Variants in EDARADD observed in about 807,000 individuals in gnomAD.
EDARADD encodes EDAR associated via death domain.
Under a neutral mutation model 25.6 loss-of-function variants are expected in EDARADD, and 20 were observed. The ratio of observed to expected loss-of-function variants is 0.78; its 90% CI spans 0.55 to 1.14. The LOEUF is 1.14. Ranked by LOEUF, EDARADD falls within the 50% of genes most tolerant of loss-of-function variation. The pLI is 0.00. For missense variants in EDARADD, 225 were observed against 270.1 expected, an observed-to-expected ratio of 0.83 and a Z score of 1.17; for synonymous variants, 86 against 94.4, an observed-to-expected ratio of 0.91 and a Z score of 0.52.
At chr1:236,416,286 G>C (rs1657639025) in intron 3 of EDARADD, among the ~76,000 whole-genome samples, 2 of 152,184 alleles carry the variant, frequency 1.3e-5, no homozygotes, top group South Asian at 4.1e-4. Flanking sequence ...CAGGGGTGCA[G>C]GGAAATCCAG....
At chr1:236,382,603 C>T (rs1346200024) in intron 3 of EDARADD, among the ~76,000 whole-genome samples, 5 of 152,090 alleles carry the variant, frequency 3.3e-5, no homozygotes, top group African/African-American at 1.2e-4. Flanking sequence ...TAGCTTTGTC[C>T]TTGAGCAGTT....
rs946535201 is a variant in EDARADD, at chr1:236,395,486, G to C, written c.61+981G>C. ...GAAGAAGAAGGGAGGGGAAGGCGGAGGAGGGCAGGGGCGCGCAGAGCCACG... is the reference window on the plus strand; with the variant it reads ...GAAGAAGAAGGGAGGGGAAGGCGGACGAGGGCAGGGGCGCGCAGAGCCACG... On this transcript the variant is annotated intron_variant, in intron 1 of 5. Transcript: ENST00000334232. The surrounding 1 kb of genome is among the most constrained non-coding windows in gnomAD (Gnocchi z 6.9). The C allele has an allele frequency of 3.3e-6, 5 of 1,510,194 alleles. No individual in the cohort carries two copies. The highest frequency in any genetic ancestry group is 2.5e-5 in the South Asian group (2 of 81,570). The allele number at this position is 1,510,194 out of a possible 1,614,324, so 93.5% of individuals were successfully genotyped here. A position where few individuals can be genotyped will look rare whatever the true frequency, so the allele number is the denominator to read the frequency against.
At chr1:236,367,261 G>A (rs919436885) in intron 3 of EDARADD, among the ~76,000 whole-genome samples, 5 of 151,566 alleles carry the variant, frequency 3.3e-5, no homozygotes, top group African/African-American at 1.2e-4. Context: ...ACGGAGTCTC[G>A]CTCTGTCACC....
chr1:236,456,742 A>G (rs1412779392), intron 4 of EDARADD, among the ~76,000 whole-genome samples: 2 of 95,700 alleles, frequency 2.1e-5, no homozygotes, highest in African/African-American at 8.4e-5. Flanking sequence ...CTCCCTCTGC[A>G]CCTGTGTTTC....
chr1:236,396,446 T>C (rs939877905), intron 1 of EDARADD, among the ~76,000 whole-genome samples: 10 of 152,218 alleles, frequency 6.6e-5, no homozygotes, highest in African/African-American at 2.4e-4. Context: ...CTTGGTTTTG[T>C]TGAGGTTGGA....
In EDARADD at chr1:236,453,963, T is replaced by G. The variant is rs544180473; in HGVS notation, c.220-14268T>G. Among the ~76,000 whole-genome samples the G allele has an allele frequency of 2.6e-3, 392 of 151,272 alleles. 3 individuals carry two copies. Among genetic ancestry groups the G allele is most frequent in the Non-Finnish European group, 4.4e-3 (297 of 68,022 alleles). ...GATGCTAAAGTAGCCACCCAATACATAGTGACTAGTTTTATCTTGTTTCCT... is the reference window on the plus strand; with the variant it reads ...GATGCTAAAGTAGCCACCCAATACAGAGTGACTAGTTTTATCTTGTTTCCT... On this transcript the variant is annotated intron_variant, in intron 4 of 5. Transcript: ENST00000334232.
intron 4 of EDARADD, among the ~76,000 whole-genome samples, chr1:236,465,456 C>T (rs1659161985): frequency 6.6e-6 from 1 of 152,180 alleles, no homozygotes; most frequent in Non-Finnish European, 1.5e-5. Context: ...TTGCTTAAGA[C>T]TAAATGCTCC....
At chr1:236,391,130 A>G (rs1036971880), upstream of EDARADD, among the ~76,000 whole-genome samples, 2 of 151,706 alleles carry the variant, frequency 1.3e-5, no homozygotes, top group African/African-American at 4.8e-5. Context: ...TTATTTTAAG[A>G]CCGGTCCCCC....
chr1:236,410,377 T>G (rs1357522468), intron 2 of EDARADD, among the ~76,000 whole-genome samples: 1 of 152,128 alleles, frequency 6.6e-6, no homozygotes, highest in Admixed American at 6.5e-5. Context: ...TTATTTCACT[T>G]GGGATGATGG....
At chr1:236,438,189 A>G (rs1455702930) in intron 4 of EDARADD, among the ~76,000 whole-genome samples, 2 of 152,174 alleles carry the variant, frequency 1.3e-5, no homozygotes, top group East Asian at 1.9e-4. Context: ...GCCCACCCCA[A>G]TGACCTCATT....
chr1:236,483,345 G>C lies in EDARADD; in HGVS notation c.*696G>C, dbSNP rs529416761. On this transcript the variant is annotated 3_prime_UTR_variant, in exon 6 of 6. Coordinates refer to ENST00000334232, the MANE Select transcript of EDARADD (RefSeq NM_145861.4). ...TGATAAGACTCGCTATATGGGGAAG[G>C]GTGTCTCAAAGCCTGTTGAGCCCAT... is the stretch of plus-strand genomic sequence containing the variant. 5.1e-6 allele frequency: 8 copies of C among 1,581,736 alleles called. No homozygotes were observed. In the South Asian group the frequency reaches 5.5e-5, roughly 11 times the overall value.
intron 4 of EDARADD, among the ~76,000 whole-genome samples, chr1:236,465,595 CTT>C (rs1369868425): frequency 1.3e-5 from 2 of 152,182 alleles, no homozygotes; most frequent in African/African-American, 4.8e-5. Flanking sequence ...GTACCCCTCT[CTT>C]GGAAGTCACT....
chr1:236,481,600 C>CAAAAAA (rs35354317), intron 5 of EDARADD, among the ~76,000 whole-genome samples: 1 of 137,234 alleles, frequency 7.3e-6, no homozygotes, highest in Non-Finnish European at 1.6e-5. Context: ...CCACCTCTAC[C>CAAAAAA]AAAAAAAAAA....
intron 5 of EDARADD, among the ~76,000 whole-genome samples, chr1:236,480,135 A>C (rs887833098): frequency 2.2e-5 from 3 of 135,538 alleles, no homozygotes; most frequent in South Asian, 2.4e-4. Flanking sequence ...ATATATATAT[A>C]TCACATTTTC....
chr1:236,404,901 T>C (rs901569636), intron 1 of EDARADD, among the ~76,000 whole-genome samples: 1 of 152,172 alleles, frequency 6.6e-6, no homozygotes, highest in Non-Finnish European at 1.5e-5. Flanking sequence ...GAGACCATCC[T>C]GGTCCAACAT....
At chr1:236,448,447 CG>C (rs1483278304) in intron 4 of EDARADD, among the ~76,000 whole-genome samples, 1 of 152,156 alleles carries the variant, frequency 6.6e-6, no homozygotes, top group East Asian at 1.9e-4. Flanking sequence ...CCCACCATGG[CG>C]GTCAGGGCAG....
At chr1:236,410,116 A>T (rs183348865) in intron 2 of EDARADD, among the ~76,000 whole-genome samples, 1 of 152,090 alleles carries the variant, frequency 6.6e-6, no homozygotes, top group East Asian at 1.9e-4. Flanking sequence ...TTCAGATTCC[A>T]TGGGTACGTA....
rs2103001927 is a variant in EDARADD at position 236,398,261 on chromosome 1, A to C, written c.61+3756A>C. ...TGTCTCAGCCTCCCAAGTAACTGGT[A>C]TTACAGGTGCACACTACCACACCTG... On this transcript the variant is annotated intron_variant, in intron 1 of 5. Coordinates refer to ENST00000334232, the MANE Select transcript of EDARADD (RefSeq NM_145861.4). The surrounding 1 kb of genome is among the most constrained non-coding windows in gnomAD (Gnocchi z 4.1). Among the ~76,000 whole-genome samples, 1 of 152,264 alleles carries C rather than the reference A, an allele frequency of 6.6e-6. No individual in the cohort carries two copies. The highest frequency in any genetic ancestry group is 6.5e-5 in the Admixed American group (1 of 15,296).
At chr1:236,393,653 T>A (rs1354040918), upstream of EDARADD, among the ~76,000 whole-genome samples, 1 of 152,070 alleles carries the variant, frequency 6.6e-6, no homozygotes, top group African/African-American at 2.4e-5. Flanking sequence ...TGCCTTGGGC[T>A]CCCAAAGTGC....
Sources: allele counts gnomAD v4.1 joint callset (sites outside exome capture counted in the v4.1 genomes callset), GRCh38; gene constraint gnomAD v4.1.1; non-coding constraint Gnocchi (gnomAD v3.1); transcripts MANE v1.5; gene names NCBI Gene and HGNC (gene_info 2026-07-23, HGNC 2026-07-21).